Variants in MACROD2 observed in about 807,000 individuals in gnomAD.
MACROD2 encodes ADP-ribose glycohydrolase MACROD2.
Under a neutral mutation model 70.4 loss-of-function variants are expected in MACROD2, and 36 were observed. That is an observed-to-expected ratio of 0.51 (90% CI 0.39 to 0.68). The LOEUF (loss-of-function observed/expected upper bound fraction) is 0.68, where lower values mean the gene tolerates loss of function less well. Ranked by LOEUF, MACROD2 falls within the 30% of genes least tolerant of loss-of-function variation. The pLI, the probability that MACROD2 is intolerant of heterozygous loss-of-function variation, is 0.00. For missense variants in MACROD2, 496 were observed against 538.4 expected (o/e 0.92, Z 0.78); for synonymous variants, 172 against 178.8 (o/e 0.96, Z 0.30).
At chr20:14,807,683 T>C (rs1029475211) in intron 5 of MACROD2, among the ~76,000 whole-genome samples, 1 of 152,072 alleles carries the variant, frequency 6.6e-6, no homozygotes, top group African/African-American at 2.4e-5. Flanking sequence ...GGAAGGAAGC[T>C]AAGAACCTTG....
At chr20:15,935,204 G>T (rs1172649878) in intron 11 of MACROD2, among the ~76,000 whole-genome samples, 2 of 152,200 alleles carry the variant, frequency 1.3e-5, no homozygotes, top group Admixed American at 1.3e-4. Context: ...GTGGTAGAAT[G>T]TCAGCCCTCT....
chr20:14,155,146 GTA>G (rs2055082592), intron 3 of MACROD2, among the ~76,000 whole-genome samples: 1 of 151,962 alleles, frequency 6.6e-6, no homozygotes, highest in African/African-American at 2.4e-5. Context: ...ACTGATACAT[GTA>G]TATATACACA....
chr20:14,850,684 A>G (rs2073190386), intron 5 of MACROD2, among the ~76,000 whole-genome samples: 1 of 152,150 alleles, frequency 6.6e-6, no homozygotes, highest in South Asian at 2.1e-4. Flanking sequence ...AATTCAAAAT[A>G]TCGAAGAGCT....
At chr20:14,944,941 A>G (rs1252860359) in intron 5 of MACROD2, among the ~76,000 whole-genome samples, 3 of 152,070 alleles carry the variant, frequency 2.0e-5, no homozygotes, top group Non-Finnish European at 4.4e-5. Flanking sequence ...GGAAACGCCA[A>G]TTCCTGCATT....
At chr20:14,362,372 A>T (rs1175168282) in intron 3 of MACROD2, among the ~76,000 whole-genome samples, 2 of 152,092 alleles carry the variant, frequency 1.3e-5, no homozygotes, top group Non-Finnish European at 2.9e-5. Context: ...GCTACTTCCC[A>T]TGTGTGCTAT....
At chr20:14,620,653 C>A (rs916965500) in intron 4 of MACROD2, among the ~76,000 whole-genome samples, 2 of 151,888 alleles carry the variant, frequency 1.3e-5, no homozygotes, top group African/African-American at 4.8e-5. Context: ...TATTTGGGAA[C>A]AAGGAGCTGT....
At chr20:14,417,084 TC>T (rs2083817431) in intron 3 of MACROD2, among the ~76,000 whole-genome samples, 1 of 146,812 alleles carries the variant, frequency 6.8e-6, no homozygotes, top group Non-Finnish European at 1.5e-5. Flanking sequence ...TATCTATCTA[TC>T]TATCTATCTA....
At chr20:15,455,941 C>CT (rs969902069) in intron 7 of MACROD2, among the ~76,000 whole-genome samples, 8 of 152,164 alleles carry the variant, frequency 5.3e-5, no homozygotes, top group Admixed American at 5.2e-4. Context: ...TGTGAAATCT[C>CT]TTTTTTATAA....
intron 6 of MACROD2, among the ~76,000 whole-genome samples, chr20:15,233,909 T>G (rs1399894085): frequency 7.0e-6 from 1 of 142,568 alleles, no homozygotes; most frequent in Non-Finnish European, 1.5e-5. Context: ...TTATTCCAAA[T>G]ATTAAAGTCA....
chr20:15,520,638 G>C (rs2047640242), intron 8 of MACROD2, among the ~76,000 whole-genome samples: 1 of 152,226 alleles, frequency 6.6e-6, no homozygotes, highest in African/African-American at 2.4e-5. Context: ...AGGGTAGAGT[G>C]AACAGAGGAA....
intron 3 of MACROD2, among the ~76,000 whole-genome samples, chr20:14,436,538 G>A (rs1041926619): frequency 3.3e-5 from 5 of 152,114 alleles, no homozygotes; most frequent in Admixed American, 6.6e-5. Context: ...TTGTGATAGC[G>A]TCTTCCATAT....
chr20:15,397,297 A>G (rs2045872509), intron 6 of MACROD2, among the ~76,000 whole-genome samples: 1 of 151,496 alleles, frequency 6.6e-6, no homozygotes, highest in Non-Finnish European at 1.5e-5. Flanking sequence ...TTTTCTTTTT[A>G]ATTTTTTTTT....
At chr20:14,507,868 T>C (rs1435682119) in intron 4 of MACROD2, among the ~76,000 whole-genome samples, 1 of 152,144 alleles carries the variant, frequency 6.6e-6, no homozygotes, top group Non-Finnish European at 1.5e-5. Flanking sequence ...CCCTGAGAAA[T>C]CAGCTCAGGG....
chr20:14,729,002 T>C (rs1215937291), intron 5 of MACROD2, among the ~76,000 whole-genome samples: 1 of 152,132 alleles, frequency 6.6e-6, no homozygotes, highest in African/African-American at 2.4e-5. Flanking sequence ...GTTTACATCT[T>C]CCAATTAGAT....
At chr20:15,003,785 T>C (rs1370589595) in intron 5 of MACROD2, among the ~76,000 whole-genome samples, 2 of 152,154 alleles carry the variant, frequency 1.3e-5, no homozygotes, top group Admixed American at 1.3e-4. Flanking sequence ...GGTATAGACA[T>C]AAATGATTGT....
At chr20:14,949,037 TAGTC>T (rs200289740) in intron 5 of MACROD2, among the ~76,000 whole-genome samples, 2,189 of 152,276 alleles carry the variant, frequency 0.014, 22 homozygotes, top group Non-Finnish European at 0.021. Flanking sequence ...GAAAGGTTAA[TAGTC>T]AGTTATTTTT....
chr20:14,426,825 T>G (rs1175040986), intron 3 of MACROD2, among the ~76,000 whole-genome samples: 1 of 152,170 alleles, frequency 6.6e-6, no homozygotes, highest in African/African-American at 2.4e-5. Context: ...TTAATCTCTC[T>G]GTTTTCAGTG....
intron 3 of MACROD2, among the ~76,000 whole-genome samples, chr20:14,134,719 C>G (rs573649820): frequency 2.1e-5 from 3 of 145,240 alleles, no homozygotes; most frequent in African/African-American, 7.6e-5. Context: ...GCAGGAGAAT[C>G]GCTTGAACCA....
chr20:14,904,021 G>A (rs1261327483), intron 5 of MACROD2, among the ~76,000 whole-genome samples: 1 of 152,196 alleles, frequency 6.6e-6, no homozygotes, highest in Non-Finnish European at 1.5e-5. Flanking sequence ...GGGAAATAGA[G>A]ATTTTAGTGA....
Sources: gnomAD v4.1 joint callset for allele counts (sites outside exome capture counted in the v4.1 genomes callset) on GRCh38, gnomAD v4.1.1 for gene constraint, MANE v1.5 for transcripts, NCBI Gene and HGNC (gene_info 2026-07-23, HGNC 2026-07-21) for gene names.